MYRFL: variants seen among roughly 807,000 people sequenced by gnomAD.
MYRFL encodes the protein myelin regulatory factor like, also known as myelin regulatory factor-like protein.
MYRFL carries 88 observed loss-of-function variants against 109.4 expected under a neutral mutation model. That is an observed-to-expected ratio of 0.80 (90% CI 0.68 to 0.96). The LOEUF (loss-of-function observed/expected upper bound fraction) is 0.96, where lower values mean the gene tolerates loss of function less well. Ranked by LOEUF, MYRFL falls within the 40% of genes least tolerant of loss-of-function variation. The pLI, the probability that MYRFL is intolerant of heterozygous loss-of-function variation, is 0.00. For synonymous variants in MYRFL, 324 were observed against 320.9 expected, an observed-to-expected ratio of 1.01 and a Z score of -0.10; for missense variants, 957 against 954.9, an observed-to-expected ratio of 1.00 and a Z score of -0.03.
At chr12:69,904,541 A>G (rs1266065383) in intron 11 of MYRFL, 1 of 152,306 alleles carries the variant, frequency 6.6e-6, no homozygotes, top group Non-Finnish European at 1.5e-5. Context: ...CTTCAGCTAT[A>G]AGATGAAAAT....
chr12:69,891,674 T>G (rs553065822), intron 7 of MYRFL, among the ~76,000 whole-genome samples: 5 of 116,482 alleles, frequency 4.3e-5, no homozygotes, highest in African/African-American at 1.5e-4. Context: ...TCTTTCTTTC[T>G]TTCTTTCTTT....
chr12:69,932,712 T>A, intron 16 of MYRFL, 114 bp downstream of exon 16: 1 of 730,082 alleles, frequency 1.4e-6, no homozygotes, highest in African/African-American at 1.8e-5. Context: ...AGAAGCCCTT[T>A]AAACTAGACA....
chr12:69,937,506 A>C (rs1955508497), intron 19 of MYRFL, among the ~76,000 whole-genome samples: 1 of 152,240 alleles, frequency 6.6e-6, no homozygotes, highest in African/African-American at 2.4e-5. Context: ...CAGCTGATGA[A>C]GATTCCATCA....
intron 19 of MYRFL, among the ~76,000 whole-genome samples, chr12:69,947,336 A>C (rs1487904489): frequency 6.6e-6 from 1 of 152,088 alleles, no homozygotes; most frequent in African/African-American, 2.4e-5. Context: ...GGAAATCAAC[A>C]TTTTTATGAC....
At chr12:69,910,472 A>G (rs1158146341) in intron 12 of MYRFL, among the ~76,000 whole-genome samples, 1 of 152,074 alleles carries the variant, frequency 6.6e-6, no homozygotes, top group African/African-American at 2.4e-5. Context: ...AGTGATGTTT[A>G]TACTCCAATC....
At chr12:69,890,515 T>G (rs764873756) in intron 6 of MYRFL, among the ~76,000 whole-genome samples, 1 of 152,194 alleles carries the variant, frequency 6.6e-6, no homozygotes, top group Non-Finnish European at 1.5e-5. Context: ...TTGGGATCAC[T>G]TGAGGTCAGG....
chr12:69,945,986 CAAAAA>C (rs56988555), intron 19 of MYRFL, among the ~76,000 whole-genome samples: 8 of 42,340 alleles, frequency 1.9e-4, no homozygotes, highest in South Asian at 1.4e-3. Flanking sequence ...GACTCCGTCT[CAAAAA>C]AAAAAAAAAA....
intron 15 of MYRFL, among the ~76,000 whole-genome samples, chr12:69,931,475 C>T (rs1355317473): frequency 6.6e-6 from 1 of 152,136 alleles, no homozygotes; most frequent in Non-Finnish European, 1.5e-5. Flanking sequence ...TGCCCCTACC[C>T]TATGTTACAT....
chr12:69,948,400 G>A (rs11177989), intron 19 of MYRFL, among the ~76,000 whole-genome samples: 2 of 152,052 alleles, frequency 1.3e-5, no homozygotes, highest in South Asian at 4.2e-4. Context: ...ATGTCTCCAG[G>A]ACCTGAAAAC....
intron 13 of MYRFL, among the ~76,000 whole-genome samples, chr12:69,925,337 A>C (rs7298560): frequency 6.6e-6 from 1 of 152,160 alleles, no homozygotes; most frequent in African/African-American, 2.4e-5. Context: ...AACTGCGTAC[A>C]CTAAGCCTTG....
intron 21 of MYRFL, among the ~76,000 whole-genome samples, chr12:69,955,121 G>A (rs1381061896): frequency 6.6e-6 from 1 of 151,916 alleles, no homozygotes; most frequent in Non-Finnish European, 1.5e-5. Flanking sequence ...TTTTCTGTGT[G>A]TTCTAAAAAA....
chr12:69,905,763 T>G (rs962369359), intron 11 of MYRFL, among the ~76,000 whole-genome samples: 8 of 152,262 alleles, frequency 5.3e-5, no homozygotes, highest in South Asian at 4.1e-4. Flanking sequence ...TTAATAGATT[T>G]GTTTTGATAA....
At chr12:69,933,252 C>T (rs1302416660) in intron 16 of MYRFL, among the ~76,000 whole-genome samples, 1 of 151,918 alleles carries the variant, frequency 6.6e-6, no homozygotes, top group Non-Finnish European at 1.5e-5. Context: ...AGGGCCCTTT[C>T]TCAGGCCTCT....
At chr12:69,855,463 CA>C in intron 2 of MYRFL, 93 bp downstream of exon 2, 2 of 624,766 alleles carry the variant, frequency 3.2e-6, no homozygotes, top group Non-Finnish European at 5.8e-6. Context: ...TTCTGTTTTC[CA>C]AAATAACTTG....
intron 19 of MYRFL, among the ~76,000 whole-genome samples, chr12:69,945,985 T>G (rs1412935756): frequency 3.3e-4 from 1 of 3,036 alleles, no homozygotes; most frequent in Non-Finnish European, 7.1e-4. Context: ...AGACTCCGTC[T>G]CAAAAAAAAA....
intron 2 of MYRFL, among the ~76,000 whole-genome samples, chr12:69,868,528 G>T (rs1885145376): frequency 6.6e-6 from 1 of 152,166 alleles, no homozygotes; most frequent in Non-Finnish European, 1.5e-5. Flanking sequence ...CTGGCTCAGA[G>T]TAGGTTCTCA....
chr12:69,911,636 T>C (rs1954576085), intron 13 of MYRFL, among the ~76,000 whole-genome samples: 1 of 152,224 alleles, frequency 6.6e-6, no homozygotes, highest in Admixed American at 6.5e-5. Flanking sequence ...GTCGATGCTG[T>C]GTGTATGATT....
chr12:69,937,697 A>G (rs977923959), intron 19 of MYRFL, among the ~76,000 whole-genome samples: 1 of 152,246 alleles, frequency 6.6e-6, no homozygotes, highest in Non-Finnish European at 1.5e-5. Context: ...GAACAGATCT[A>G]ACATGTATGG....
chr12:69,843,168 C>G (rs1193717977), intron 1 of MYRFL, among the ~76,000 whole-genome samples: 1 of 149,310 alleles, frequency 6.7e-6, no homozygotes, highest in Non-Finnish European at 1.5e-5. Context: ...TATTTTATTT[C>G]TCTTTATCTC....
Sources: allele counts gnomAD v4.1 joint callset (sites outside exome capture counted in the v4.1 genomes callset), GRCh38; gene constraint gnomAD v4.1.1; transcripts MANE v1.5; gene names NCBI Gene and HGNC (gene_info 2026-07-23, HGNC 2026-07-21).